LRPPRC: variants seen among roughly 807,000 people sequenced by gnomAD.
LRPPRC encodes leucine-rich PPR motif-containing protein, mitochondrial.
Under a neutral mutation model 180.3 loss-of-function variants are expected in LRPPRC, and 120 were observed. The ratio of observed to expected loss-of-function variants is 0.67; its 90% CI spans 0.57 to 0.77. The LOEUF is 0.77. Among genes scored for constraint, LRPPRC ranks in the 30% least tolerant of loss-of-function variants. LRPPRC has a pLI of 0.00. For synonymous variants in LRPPRC, 723 were observed against 600.0 expected (o/e 1.21, Z -3.00); for missense variants, 2,012 against 1,657.2 (o/e 1.21, Z -3.72).
At position 43,950,724 on chromosome 2, in the gene LRPPRC, T is replaced by A. The variant is rs556696710; in HGVS notation, c.1650-124A>T. On this transcript the variant is annotated intron_variant, in intron 14 of 37. Coordinates refer to ENST00000260665, the MANE Select transcript of LRPPRC (RefSeq NM_133259.4). ...TAAATAAATGTTTGCTGTATCAGGA[T>A]GAATTTTCAGGACAAAGGTAATTTA... 19 of 750,912 alleles carry A rather than the reference T, an allele frequency of 2.5e-5. 1 individual carries two copies. In the South Asian group the frequency reaches 2.5e-4, roughly 10 times the overall value. The allele number at this position is 750,912 out of a possible 1,614,324, so 46.5% of individuals were successfully genotyped here.
intron 29 of LRPPRC, among the ~76,000 whole-genome samples, chr2:43,917,363 T>C (rs1370076202): frequency 6.6e-6 from 1 of 152,156 alleles, no homozygotes; most frequent in African/African-American, 2.4e-5. Context: ...TCGTTTTTTA[T>C]AGCTTAAGCA....
chr2:43,895,785 T>C (rs1163141301), intron 35 of LRPPRC, among the ~76,000 whole-genome samples: 1 of 152,150 alleles, frequency 6.6e-6, no homozygotes, highest in Non-Finnish European at 1.5e-5. Flanking sequence ...TGAAACTTCA[T>C]AAAGAACCCA....
At chr2:43,944,738 T>G (rs80302153) in intron 22 of LRPPRC, among the ~76,000 whole-genome samples, 3,386 of 152,120 alleles carry the variant, frequency 0.022, 127 homozygotes, top group African/African-American at 0.077. Flanking sequence ...AGTATGAATG[T>G]ATTATCAAGT....
intron 1 of LRPPRC, among the ~76,000 whole-genome samples, chr2:43,990,133 C>T (rs1351368654): frequency 6.6e-6 from 1 of 152,030 alleles, no homozygotes; most frequent in Non-Finnish European, 1.5e-5. Flanking sequence ...GTGGGAGAAT[C>T]GCTTGAACCT....
At chr2:43,940,626 T>A (rs1572945977) in intron 23 of LRPPRC, among the ~76,000 whole-genome samples, 3 of 152,176 alleles carry the variant, frequency 2.0e-5, no homozygotes, top group Admixed American at 2.0e-4. Context: ...ACCAACATAA[T>A]CCAGTTAAAC....
Position 43,982,393 on chromosome 2 carries a change from T to C in LRPPRC, c.191A>G (p.Lys64Arg). Residue 64 changes from lysine to arginine, a missense_variant, in exon 2 of 38, where the codon AAA becomes AGA. By Grantham distance (26) the Lys-to-Arg change is conservative. Coordinates refer to ENST00000260665, the MANE Select transcript of LRPPRC (RefSeq NM_133259.4). ...GGACTCCTCTTGAATATCTTTTTCT[T>C]TGGCAGCAATGGCATACAGCCTGGC... ...SPARLYAIAA[K>R]EKDIQEESTF... 1 of 1,614,080 alleles carries C rather than the reference T, an allele frequency of 6.2e-7. No individual in the cohort carries two copies. Among genetic ancestry groups the C allele is most frequent in the Non-Finnish European group, 8.5e-7 (1 of 1,179,972 alleles).
chr2:43,920,817 G>C (rs2105031901), intron 27 of LRPPRC, among the ~76,000 whole-genome samples: 1 of 152,196 alleles, frequency 6.6e-6, no homozygotes, highest in East Asian at 1.9e-4. Flanking sequence ...TACTGCTAAG[G>C]ACCTTTAAAA....
chr2:43,920,065 G>T, intron 27 of LRPPRC, among the ~76,000 whole-genome samples: 1 of 140,118 alleles, frequency 7.1e-6, no homozygotes, highest in Admixed American at 7.4e-5. Flanking sequence ...ATTCTTCATG[G>T]GAAATCAGCA....
intron 1 of LRPPRC, among the ~76,000 whole-genome samples, chr2:43,983,746 C>A (rs1160009558): frequency 6.6e-6 from 1 of 152,080 alleles, no homozygotes; most frequent in East Asian, 1.9e-4. Flanking sequence ...TGTTATTAAT[C>A]TGAAAAAACC....
intron 31 of LRPPRC, chr2:43,904,502 G>A (rs935767447): frequency 1.8e-4 from 27 of 152,040 alleles, no homozygotes; most frequent in East Asian, 1.4e-3. Flanking sequence ...AGACCAGCCT[G>A]GCCAACATGG....
rs1675033769 is a variant in LRPPRC at position 43,995,860 on chromosome 2, C to A, written c.88G>T (p.Gly30Cys). 9 of 1,488,416 alleles carry A rather than the reference C, an allele frequency of 6.0e-6. No homozygotes were observed. Among genetic ancestry groups the A allele is most frequent in the Middle Eastern group, 2.4e-4 (1 of 4,238 alleles). 92.2% of individuals were successfully genotyped at this position (1,488,416 alleles called of 1,614,324 possible). The change falls in exon 1 of 38, where the codon GGC becomes TGC. Residue 30 changes from glycine to cysteine, a missense_variant. By Grantham distance (159) the Gly-to-Cys change is radical. Coordinates refer to ENST00000260665, the MANE Select transcript of LRPPRC (RefSeq NM_133259.4). Reference sequence around the variant, plus strand: ...GAGGCGGCATGCAGCCGGCCCGGGCCGCCAGGGAGGAGGCGCAGGGAGAGC... The same window carrying A: ...GAGGCGGCATGCAGCCGGCCCGGGCAGCCAGGGAGGAGGCGCAGGGAGAGC... ...LPLSLRLLPG[G>C]PGRLHAASYL... is the part of the protein sequence containing the mutation.
chr2:43,908,853 G>A (rs1671155292), intron 30 of LRPPRC, among the ~76,000 whole-genome samples: 1 of 152,138 alleles, frequency 6.6e-6, no homozygotes, highest in Non-Finnish European at 1.5e-5. Context: ...GGCTCTCAAG[G>A]TTGACCAAGT....
intron 30 of LRPPRC, 47 bp from the exon 31 acceptor site, chr2:43,905,827 T>C (rs749650033): frequency 3.5e-6 from 4 of 1,136,674 alleles, no homozygotes; most frequent in Admixed American, 3.4e-5. Context: ...ATGCTTCTGA[T>C]ACGATAATAA....
At chr2:43,912,956 G>C (rs1294072852) in intron 29 of LRPPRC, among the ~76,000 whole-genome samples, 1 of 152,170 alleles carries the variant, frequency 6.6e-6, no homozygotes, top group Non-Finnish European at 1.5e-5. Context: ...GTATAATTTA[G>C]ATTGAGGGGA....
chr2:43,937,532 C>T (rs931234899), intron 23 of LRPPRC, among the ~76,000 whole-genome samples: 3 of 152,100 alleles, frequency 2.0e-5, no homozygotes, highest in Non-Finnish European at 4.4e-5. Context: ...TGTTTAAAAG[C>T]ACCTAAAATT....
intron 14 of LRPPRC, 101 bp downstream of exon 14, chr2:43,957,284 G>GAAAAAAAAAAAAA (rs1423691487): frequency 1.2e-6 from 1 of 854,348 alleles, no homozygotes; most frequent in African/African-American, 1.7e-5. Flanking sequence ...AATGTACACT[G>GAAAAAAAAAAAAA]AAAGATAAGA....
At chr2:43,911,348 C>G (rs7562014) in intron 30 of LRPPRC, among the ~76,000 whole-genome samples, 94,876 of 151,546 alleles carry the variant, frequency 0.63, 31,563 homozygotes, top group East Asian at 0.96. Flanking sequence ...AACACAGACA[C>G]TAAATACGGC....
In LRPPRC at chr2:43,995,889, A is replaced by C. The variant is rs1469447759; in HGVS notation, c.59T>G (p.Leu20Arg). ...WLLRAGAAPRLPLSLRLLPGG... is the reference protein window; with the variant it reads ...WLLRAGAAPRRPLSLRLLPGG... ...AGGGAGGAGGCGCAGGGAGAGCGGG[A>C]GGCGCGGGGCCGCCCCGGCACGCAG... Residue 20 changes from leucine (L) to arginine (R), a missense_variant, in exon 1 of 38, where the codon CTC becomes CGC. Physicochemically the swap from Leu to Arg is moderately radical, Grantham distance 102. Coordinates refer to ENST00000260665, the MANE Select transcript of LRPPRC (RefSeq NM_133259.4). 1 of 1,507,918 alleles carries C rather than the reference A, an allele frequency of 6.6e-7. No individual in the cohort carries two copies. Among genetic ancestry groups the C allele is most frequent in the African/African-American group, 1.4e-5 (1 of 69,438 alleles). The allele number at this position is 1,507,918 out of a possible 1,614,324, so 93.4% of individuals were successfully genotyped here.
rs1670293478 is a variant in LRPPRC at position 43,887,038 on chromosome 2, T to C, written c.*1562A>G. 6.8e-6 allele frequency: 1 copy of C among 147,254 alleles called. No individual in the cohort carries two copies. Among genetic ancestry groups the C allele is most frequent in the Admixed American group, 7.0e-5 (1 of 14,312 alleles). The allele number at this position is 147,254 out of a possible 1,614,324, so 9.1% of individuals were successfully genotyped here. ...GTGCAAGCCTGTAATCTCAGCTACG[T>C]GGGAGGCTGAGGCACAAGAATCACT... On this transcript the variant is annotated 3_prime_UTR_variant, in exon 38 of 38. Coordinates refer to ENST00000260665, the MANE Select transcript of LRPPRC (RefSeq NM_133259.4).
Sources: gnomAD v4.1 joint callset for allele counts (sites outside exome capture counted in the v4.1 genomes callset) on GRCh38, gnomAD v4.1.1 for gene constraint, MANE v1.5 for transcripts, NCBI Gene and HGNC (gene_info 2026-07-23, HGNC 2026-07-21) for gene names.